INPP4B: variants seen among roughly 807,000 people sequenced by gnomAD.
The protein encoded by INPP4B is inositol polyphosphate-4-phosphatase type II B.
INPP4B carries 55 observed loss-of-function variants against 122.5 expected under a neutral mutation model. The ratio of observed to expected loss-of-function variants is 0.45; its 90% CI spans 0.36 to 0.56. INPP4B has a LOEUF of 0.56. Among genes scored for constraint, INPP4B ranks in the 20% least tolerant of loss-of-function variants. The pLI is 0.00. For missense variants in INPP4B, 1,000 were observed against 1,097.7 expected (o/e 0.91, Z 1.26); for synonymous variants, 403 against 388.7 (o/e 1.04, Z -0.43).
chr4:142,630,554 G>A (rs1232956892), intron 2 of INPP4B, among the ~76,000 whole-genome samples: 2 of 152,010 alleles, frequency 1.3e-5, no homozygotes, highest in Non-Finnish European at 2.9e-5. Context: ...TACTGCTACT[G>A]AGGGCAACTA....
intron 2 of INPP4B, among the ~76,000 whole-genome samples, chr4:142,690,657 A>G (rs2150720797): frequency 6.6e-6 from 1 of 152,294 alleles, no homozygotes; most frequent in African/African-American, 2.4e-5. Flanking sequence ...AAAGGACTGG[A>G]GAAGGAATTG....
intron 25 of INPP4B, among the ~76,000 whole-genome samples, chr4:142,048,265 C>T (rs919814242): frequency 3.9e-5 from 6 of 152,050 alleles, no homozygotes; most frequent in East Asian, 3.9e-4. Context: ...CTCCATTGCA[C>T]GAGAAACTGC....
chr4:142,430,421 G>A (rs2149367963), intron 4 of INPP4B, among the ~76,000 whole-genome samples: 1 of 152,090 alleles, frequency 6.6e-6, no homozygotes, highest in South Asian at 2.1e-4. Context: ...ATTTTCTAAA[G>A]ATTAGCTTTA....
chr4:142,767,947 C>G (rs1036331127), intron 1 of INPP4B: 2 of 152,170 alleles, frequency 1.3e-5, no homozygotes, highest in Non-Finnish European at 2.9e-5. Context: ...AAGGCCTGAA[C>G]AGGCAGACTG....
intron 12 of INPP4B, among the ~76,000 whole-genome samples, chr4:142,227,881 GA>G (rs1204465049): frequency 5.6e-5 from 6 of 107,104 alleles, no homozygotes; most frequent in African/African-American, 2.1e-4. Flanking sequence ...AAAAAAAAAA[GA>G]AAAAAAATTA....
intron 2 of INPP4B, among the ~76,000 whole-genome samples, chr4:142,529,378 CA>C (rs1231547083): frequency 1.3e-5 from 2 of 151,746 alleles, no homozygotes; most frequent in Non-Finnish European, 2.9e-5. Context: ...ATACTTTAAC[CA>C]CAACAAATTG....
At chr4:142,078,770 T>A (rs1772239974) in intron 25 of INPP4B, among the ~76,000 whole-genome samples, 1 of 152,048 alleles carries the variant, frequency 6.6e-6, no homozygotes, top group African/African-American at 2.4e-5. Flanking sequence ...CTTGGCGAAC[T>A]TTATTTTTCC....
chr4:142,351,919 A>G (rs1388554392), intron 7 of INPP4B, among the ~76,000 whole-genome samples: 2 of 152,054 alleles, frequency 1.3e-5, no homozygotes, highest in African/African-American at 4.8e-5. Context: ...TTTCCTATAT[A>G]GTTTTAAAAG....
intron 8 of INPP4B, among the ~76,000 whole-genome samples, chr4:142,312,879 G>T (rs1043483068): frequency 1.3e-5 from 2 of 152,158 alleles, no homozygotes; most frequent in African/African-American, 2.4e-5. Context: ...CTCTTAACAG[G>T]TAACCATTGC....
intron 25 of INPP4B, among the ~76,000 whole-genome samples, chr4:142,041,877 TAACA>T (rs3836666): frequency 0.062 from 9,402 of 152,242 alleles, 459 homozygotes; most frequent in East Asian, 0.26. Context: ...CTTAGCTGTC[TAACA>T]GACATGTTAG....
rs939449875 is a variant in INPP4B at position 142,249,857 on chromosome 4, A to T, written c.688+10635T>A. On this transcript the variant is annotated intron_variant, in intron 11 of 25. Transcript: ENST00000262992. ...ACCAAACTCCATGACTATGTGAAAGACCTACCATCTCCCCTTCTATACAGT... is the reference window on the plus strand; with the variant it reads ...ACCAAACTCCATGACTATGTGAAAGTCCTACCATCTCCCCTTCTATACAGT... Among the ~76,000 whole-genome samples the T allele has an allele frequency of 3.3e-5, 5 of 152,180 alleles. No homozygotes were observed. The East Asian group carries it at 9.6e-4, about 29-fold the overall frequency.
chr4:142,208,528 C>T lies in INPP4B; in HGVS notation c.969G>A (p.Gly323=), dbSNP rs1307165203. ...DILTELSKET[G]SSFKSSSSKG... ...TGCTGCTGCTTGATTTGAAAGAGGA[C>T]CCTGATGGAAACCAGAAATTAAACA... The change falls in exon 14 of 26, where the codon GGG becomes GGA. Residue 323 remains glycine, a splice_region_variant and synonymous_variant. Coordinates refer to ENST00000262992, the MANE Select transcript of INPP4B (RefSeq NM_001101669.3). 2 of 1,539,406 alleles carry T rather than the reference C, an allele frequency of 1.3e-6. No individual in the cohort carries two copies. Among genetic ancestry groups the T allele is most frequent in the African/African-American group, 1.4e-5 (1 of 72,292 alleles).
intron 2 of INPP4B, among the ~76,000 whole-genome samples, chr4:142,476,385 A>C (rs1819779303): frequency 6.6e-6 from 1 of 152,216 alleles, no homozygotes. Context: ...ACAAAAACAC[A>C]CTTAAGTACA....
intron 2 of INPP4B, among the ~76,000 whole-genome samples, chr4:142,546,749 C>A (rs148894579): frequency 6.6e-6 from 1 of 152,088 alleles, no homozygotes; most frequent in East Asian, 1.9e-4. Flanking sequence ...TCCCACCATT[C>A]AACATTAACG....
At chr4:142,686,525 C>G (rs763848784) in intron 2 of INPP4B, among the ~76,000 whole-genome samples, 3 of 152,072 alleles carry the variant, frequency 2.0e-5, no homozygotes, top group Non-Finnish European at 4.4e-5. Context: ...TAACAAAATA[C>G]AGGGCAATAA....
At chr4:142,245,089 G>A (rs902563574) in intron 11 of INPP4B, among the ~76,000 whole-genome samples, 1 of 151,960 alleles carries the variant, frequency 6.6e-6, no homozygotes, top group African/African-American at 2.4e-5. Context: ...TTGTAAATTT[G>A]TTTTAAGTTC....
chr4:142,662,718 AC>A (rs1398658930), intron 2 of INPP4B, among the ~76,000 whole-genome samples: 1 of 152,204 alleles, frequency 6.6e-6, no homozygotes, highest in East Asian at 1.9e-4. Flanking sequence ...AAAACTGCCC[AC>A]TAATCAGAAA....
At chr4:142,628,635 C>T (rs1472542245) in intron 2 of INPP4B, among the ~76,000 whole-genome samples, 2 of 150,114 alleles carry the variant, frequency 1.3e-5, no homozygotes, top group Non-Finnish European at 3.0e-5. Flanking sequence ...CATGATTATT[C>T]CCATGGATGC....
At chr4:142,841,528 A>C (rs1037553510) in intron 1 of INPP4B, among the ~76,000 whole-genome samples, 1 of 151,946 alleles carries the variant, frequency 6.6e-6, no homozygotes, top group African/African-American at 2.4e-5. Context: ...CACTACAACT[A>C]TCTATTCTAA....
Sources: allele counts gnomAD v4.1 joint callset (sites outside exome capture counted in the v4.1 genomes callset), GRCh38; gene constraint gnomAD v4.1.1; transcripts MANE v1.5; gene names NCBI Gene and HGNC (gene_info 2026-07-23, HGNC 2026-07-21).